The following SMIM41 variants were observed in gnomAD, a reference collection of about 807,000 sequenced individuals.
The protein encoded by SMIM41 is small integral membrane protein 41.
chr12:52,103,482 GACTCAGTGGCTT>G (rs1373195473), intron 2 of SMIM41, among the ~76,000 whole-genome samples: 2 of 151,846 alleles, frequency 1.3e-5, no homozygotes, highest in South Asian at 4.1e-4. Context: ...AACACGACCA[GACTCAGTGGCTT>G]GCACCTGTAA....
chr12:52,085,776 G>A (rs1313471378), intron 2 of SMIM41, among the ~76,000 whole-genome samples: 2 of 152,212 alleles, frequency 1.3e-5, no homozygotes, highest in African/African-American at 2.4e-5. Flanking sequence ...AGACCACAGG[G>A]TCCAAAGCAG....
intron 2 of SMIM41, among the ~76,000 whole-genome samples, chr12:52,092,914 G>T (rs548021466): frequency 2.0e-4 from 30 of 152,286 alleles, no homozygotes; most frequent in African/African-American, 7.0e-4. Flanking sequence ...GGGCATGGCG[G>T]CTCATGCCTG....
rs570258594 is a variant in SMIM41 at position 52,098,562 on chromosome 12, C to T, written c.*196-8817C>T. Reference sequence around the variant, plus strand: ...TGATATTTGATATCATCCTCTTCCCCCCTGGATATTGGAACAATATCAGGA... The same window carrying T: ...TGATATTTGATATCATCCTCTTCCCTCCTGGATATTGGAACAATATCAGGA... On this transcript the variant is annotated intron_variant, in intron 2 of 2. Transcript: ENST00000546390. Among the ~76,000 whole-genome samples the T allele has an allele frequency of 1.7e-3, 255 of 151,758 alleles. 1 individual carries two copies. Among genetic ancestry groups the T allele is most frequent in the African/African-American group, 6.0e-3 (246 of 41,300 alleles).
chr12:52,091,911 T>C (rs544701300), intron 2 of SMIM41: 3 of 152,364 alleles, frequency 2.0e-5, no homozygotes, highest in African/African-American at 7.2e-5. Flanking sequence ...GGCTCATCTT[T>C]TGGATTTAGC....
chr12:52,084,887 TCAAAACCCAA>T (rs1344051252), intron 2 of SMIM41: 1 of 152,048 alleles, frequency 6.6e-6, no homozygotes, highest in Non-Finnish European at 1.5e-5. Flanking sequence ...GAGGCTGTTG[TCAAAACCCAA>T]CAAAAATGAT....
intron 2 of SMIM41, among the ~76,000 whole-genome samples, chr12:52,091,139 G>A (rs1186513903): frequency 1.3e-5 from 2 of 152,178 alleles, no homozygotes; most frequent in South Asian, 2.1e-4. Flanking sequence ...AGCCTCCCCA[G>A]TAGCTGGGAC....
At chr12:52,099,327 G>A (rs998091691) in intron 2 of SMIM41, among the ~76,000 whole-genome samples, 5 of 151,500 alleles carry the variant, frequency 3.3e-5, no homozygotes, top group African/African-American at 1.2e-4. Flanking sequence ...GATATTAGAA[G>A]TAATATCACG....
chr12:52,087,551 AC>A (rs1939911250), intron 2 of SMIM41: 2 of 152,426 alleles, frequency 1.3e-5, no homozygotes, highest in South Asian at 4.2e-4. Context: ...GCTGTGGCTG[AC>A]CCCTTCTCAC....
At chr12:52,104,012 G>A (rs1940275869) in intron 2 of SMIM41, 1 of 152,036 alleles carries the variant, frequency 6.6e-6, no homozygotes, top group African/African-American at 2.4e-5. Context: ...AGTGGAAATT[G>A]TAAATGTTTA....
At chr12:52,089,235 T>C (rs1939943344) in intron 2 of SMIM41, among the ~76,000 whole-genome samples, 1 of 152,082 alleles carries the variant, frequency 6.6e-6, no homozygotes, top group Non-Finnish European at 1.5e-5. Flanking sequence ...CAGACATTTA[T>C]TCTCTGATAG....
chr12:52,095,861 G>T (rs1940083786), intron 2 of SMIM41, among the ~76,000 whole-genome samples: 1 of 152,020 alleles, frequency 6.6e-6, no homozygotes, highest in Non-Finnish European at 1.5e-5. Flanking sequence ...GATATGGGGG[G>T]TAGTATCATC....
Position 52,099,087 on chromosome 12 carries a change from C to T in SMIM41, c.*196-8292C>T, listed in dbSNP as rs529513118. On this transcript the variant is annotated intron_variant, in intron 2 of 2. Transcript: ENST00000546390. ...CAATATTGGGAGTAGTATCCTCTCT[C>T]CCTCTGGATATGAGGAAGAGTTTCA... Among the ~76,000 whole-genome samples, 5 of 151,974 alleles carry T rather than the reference C, an allele frequency of 3.3e-5. No homozygotes were observed. The South Asian group carries it at 8.3e-4, about 25-fold the overall frequency.
chr12:52,085,689 A>ACAGTACTG (rs1360114170), intron 2 of SMIM41, among the ~76,000 whole-genome samples: 1 of 152,024 alleles, frequency 6.6e-6, no homozygotes, highest in Non-Finnish European at 1.5e-5. Context: ...AAACAGTACT[A>ACAGTACTG]CGCTGAGAGT....
intron 2 of SMIM41, among the ~76,000 whole-genome samples, chr12:52,095,267 G>A (rs997671972): frequency 5.3e-5 from 8 of 151,708 alleles, no homozygotes; most frequent in African/African-American, 1.9e-4. Context: ...GATGCGGGGA[G>A]TAACATCTCC....
intron 2 of SMIM41, among the ~76,000 whole-genome samples, chr12:52,099,480 C>T (rs942452163): frequency 3.9e-5 from 6 of 151,930 alleles, no homozygotes; most frequent in African/African-American, 7.3e-5. Context: ...ATCATCCTCT[C>T]GCCCTCTGGA....
Position 52,107,984 on chromosome 12 carries a change from C to T in SMIM41, c.*801C>T, listed in dbSNP as rs534168209. ...TTCTTCCCATCTCGGGGACCCTTTT[C>T]TCTTACTATAAAATTGTTTCCTCCA... On this transcript the variant is annotated 3_prime_UTR_variant, in exon 3 of 3. Transcript: ENST00000546390. The T allele has an allele frequency of 1.9e-4, 49 of 260,776 alleles. No individual in the cohort carries two copies. Among genetic ancestry groups the T allele is most frequent in the African/African-American group, 1.0e-3 (45 of 43,812 alleles). The allele number at this position is 260,776 out of a possible 1,614,324, so 16.2% of individuals were successfully genotyped here. A position where few individuals can be genotyped will look rare whatever the true frequency, so the allele number is the denominator to read the frequency against.
intron 2 of SMIM41, among the ~76,000 whole-genome samples, chr12:52,101,572 GTT>G (rs1487496745): frequency 2.0e-5 from 3 of 152,172 alleles, no homozygotes; most frequent in Non-Finnish European, 2.9e-5. Context: ...GAGTTCTAGT[GTT>G]TGATAGTACA....
Position 52,090,824 on chromosome 12 carries a change from G to A in SMIM41, c.*195+6856G>A, listed in dbSNP as rs554860748. On this transcript the variant is annotated intron_variant, in intron 2 of 2. Coordinates refer to ENST00000546390, the MANE Select transcript of SMIM41 (RefSeq NM_001369216.1). ...GCTTGTTGGCTGGAAATCCATAGAT[G>A]GCCAGCGAGTGGGGCAGCTTCTTCT... Among the ~76,000 whole-genome samples, 13 of 152,278 alleles carry A rather than the reference G, an allele frequency of 8.5e-5. No homozygotes were observed. In the South Asian group the frequency reaches 2.1e-3, roughly 24 times the overall value.
intron 2 of SMIM41, among the ~76,000 whole-genome samples, chr12:52,095,909 G>A (rs1476088807): frequency 1.8e-4 from 28 of 151,898 alleles, no homozygotes; most frequent in Non-Finnish European, 1.9e-4. Flanking sequence ...TATCACACGG[G>A]TTTGTACACT....
Sources: allele counts gnomAD v4.1 joint callset (sites outside exome capture counted in the v4.1 genomes callset), GRCh38; gene constraint gnomAD v4.1.1; transcripts MANE v1.5; gene names NCBI Gene and HGNC (gene_info 2026-07-23, HGNC 2026-07-21).